NYAP2: variants seen among roughly 807,000 people sequenced by gnomAD.
The protein encoded by NYAP2 is neuronal tyrosine-phosphorylated phosphoinositide-3-kinase adapter 2.
In NYAP2, 23 loss-of-function variants were observed where a neutral mutation model predicts 50.4. The ratio of observed to expected loss-of-function variants is 0.46; its 90% CI spans 0.33 to 0.65. The LOEUF (loss-of-function observed/expected upper bound fraction) is 0.65, where lower values mean the gene tolerates loss of function less well. Ranked by LOEUF, NYAP2 falls within the 30% of genes least tolerant of loss-of-function variation. The pLI, the probability that NYAP2 is intolerant of heterozygous loss-of-function variation, is 0.02. For missense variants in NYAP2, 885 were observed against 861.0 expected, an observed-to-expected ratio of 1.03 and a Z score of -0.35; for synonymous variants, 394 against 365.2, an observed-to-expected ratio of 1.08 and a Z score of -0.90.
At position 225,530,471 on chromosome 2, in the gene NYAP2, T is replaced by C. The variant is rs116021630; in HGVS notation, c.523+16799T>C. 5.1e-3 allele frequency among the ~76,000 whole-genome samples: 782 copies of C among 152,354 alleles called. 6 individuals are homozygous for C. The highest frequency in any genetic ancestry group is 0.018 in the African/African-American group (734 of 41,584). On this transcript the variant is annotated intron_variant, in intron 4 of 6. Transcript: ENST00000636099. The stretch of plus-strand genomic sequence containing the variant: ...CCTTTGGTATGTCTCTTCAGCATTT[T>C]AGACTATGAACCTCCATACTTCCTA...
At chr2:225,427,877 T>C (rs1049658241) in intron 3 of NYAP2, among the ~76,000 whole-genome samples, 1 of 152,142 alleles carries the variant, frequency 6.6e-6, no homozygotes, top group African/African-American at 2.4e-5. Context: ...TCTGGAAGAA[T>C]ACCCAAAGGA....
intron 4 of NYAP2, among the ~76,000 whole-genome samples, chr2:225,528,338 G>A (rs1322409072): frequency 6.6e-6 from 1 of 152,106 alleles, no homozygotes; most frequent in East Asian, 1.9e-4. Context: ...AATAAATAGG[G>A]TAAAATATAA....
chr2:225,698,778 G>C, the NYAP2 span: 3 of 151,826 alleles, frequency 2.0e-5, no homozygotes, highest in African/African-American at 7.3e-5. Flanking sequence ...TATTTTACTA[G>C]TTTATGGGTG....
chr2:225,700,268 A>G, the NYAP2 span: 1 of 151,494 alleles, frequency 6.6e-6, no homozygotes, highest in Non-Finnish European at 1.5e-5. Context: ...GGTAAGTGGG[A>G]GCAGTGTATG....
At chr2:225,641,337 G>T (rs1693526053) in intron 6 of NYAP2, among the ~76,000 whole-genome samples, 1 of 151,606 alleles carries the variant, frequency 6.6e-6, no homozygotes, top group Non-Finnish European at 1.5e-5. Flanking sequence ...GACTAGTTCT[G>T]GAAGTTTTGT....
intron 3 of NYAP2, among the ~76,000 whole-genome samples, chr2:225,507,431 C>T (rs1405702564): frequency 6.6e-6 from 1 of 152,168 alleles, no homozygotes; most frequent in African/African-American, 2.4e-5. Flanking sequence ...AGACAAGGAA[C>T]AAACTGTGGT....
Position 225,512,848 on chromosome 2 carries a change from TCTTTCTTCCTTC to T in NYAP2, c.222-519_222-508del, listed in dbSNP as rs1690851886. Among the ~76,000 whole-genome samples, 3 of 126,968 alleles carry T rather than the reference TCTTTCTTCCTTC, an allele frequency of 2.4e-5. 1 individual carries two copies. Among genetic ancestry groups the T allele is most frequent in the African/African-American group, 9.5e-5 (3 of 31,552 alleles). 83.3% of individuals were successfully genotyped at this position (126,968 alleles called of 152,430 possible). On this transcript the variant is annotated intron_variant, in intron 3 of 6. Transcript: ENST00000636099. The stretch of plus-strand genomic sequence containing the variant: ...CTCTCTCTCTCTCTCTTTCTTTCTT[TCTTTCTTCCTTC>T]CTTCCTTCCTTCCTTCCTTCCTTCC...
intron 2 of NYAP2, among the ~76,000 whole-genome samples, chr2:225,405,707 G>A (rs1296304132): frequency 1.3e-5 from 2 of 151,908 alleles, no homozygotes; most frequent in East Asian, 3.9e-4. Flanking sequence ...GCTTGGAAGG[G>A]TGGAGACCTA....
intron 5 of NYAP2, among the ~76,000 whole-genome samples, chr2:225,619,656 G>A (rs1023187174): frequency 2.0e-5 from 3 of 152,144 alleles, no homozygotes; most frequent in Non-Finnish European, 4.4e-5. Flanking sequence ...AAGCCAGAGA[G>A]ACAGAAGTAG....
chr2:225,612,809 A>AATGTGTGTGATGACATCACACCCC (rs2106248474), intron 5 of NYAP2, among the ~76,000 whole-genome samples: 1 of 59,784 alleles, frequency 1.7e-5, no homozygotes, highest in East Asian at 4.2e-4. Flanking sequence ...CATCACACCC[A>AATGTGTGTGATGACATCACACCCC]ATGTGTGTGA....
intron 3 of NYAP2, among the ~76,000 whole-genome samples, chr2:225,426,363 C>G (rs76145497): frequency 6.8e-4 from 103 of 152,232 alleles, no homozygotes; most frequent in African/African-American, 2.2e-3. Context: ...TGACTTTAGA[C>G]TCAATGAAAA....
chr2:225,461,609 G>A (rs1018352235), intron 3 of NYAP2, among the ~76,000 whole-genome samples: 1 of 152,124 alleles, frequency 6.6e-6, no homozygotes, highest in African/African-American at 2.4e-5. Context: ...TTGCTTCATA[G>A]CTTGTACCAT....
At chr2:225,602,009 A>G (rs760890654) in intron 5 of NYAP2, among the ~76,000 whole-genome samples, 7 of 152,216 alleles carry the variant, frequency 4.6e-5, no homozygotes, top group Non-Finnish European at 7.3e-5. Context: ...CTCATGACCA[A>G]GAAAATTAAG....
chr2:225,701,570 TAA>T, the NYAP2 span: 2 of 151,796 alleles, frequency 1.3e-5, no homozygotes, highest in African/African-American at 4.8e-5. Flanking sequence ...CTCTGAGGTA[TAA>T]GAGTAGTCTA....
upstream of NYAP2, among the ~76,000 whole-genome samples, chr2:225,398,868 T>C (rs1694812380): frequency 6.6e-6 from 1 of 152,068 alleles, no homozygotes; most frequent in Non-Finnish European, 1.5e-5. Context: ...AGAAAAGCTT[T>C]ATAGTAATGT....
intron 3 of NYAP2, among the ~76,000 whole-genome samples, chr2:225,464,360 C>G (rs1689881775): frequency 6.6e-6 from 1 of 152,154 alleles, no homozygotes; most frequent in Non-Finnish European, 1.5e-5. Context: ...ATGTGTCACC[C>G]TGCAACCCCA....
intron 6 of NYAP2, among the ~76,000 whole-genome samples, chr2:225,651,230 C>G (rs1273038530): frequency 6.6e-6 from 1 of 152,186 alleles, no homozygotes; most frequent in Non-Finnish European, 1.5e-5. Context: ...GAGTTGTTCC[C>G]CAGAAGCCAA....
chr2:225,665,347 GA>G, the NYAP2 span, among the ~76,000 whole-genome samples: 11 of 149,866 alleles, frequency 7.3e-5, no homozygotes, highest in South Asian at 2.1e-4. Context: ...AAAGGCAAAA[GA>G]AAAAAAAATG....
At chr2:225,399,006 CAATGCATTAAAAACTA>C (rs1694814997), upstream of NYAP2, among the ~76,000 whole-genome samples, 1 of 151,934 alleles carries the variant, frequency 6.6e-6, no homozygotes, top group African/African-American at 2.4e-5. Context: ...TGTGGTCTGT[CAATGCATTAAAAACTA>C]AATTCAGAAA....
Sources: allele counts gnomAD v4.1 joint callset (sites outside exome capture counted in the v4.1 genomes callset), GRCh38; gene constraint gnomAD v4.1.1; transcripts MANE v1.5; gene names NCBI Gene and HGNC (gene_info 2026-07-23, HGNC 2026-07-21).